Variants in PRKCE observed in about 807,000 individuals in gnomAD.
The protein encoded by PRKCE is protein kinase C epsilon type.
In PRKCE, 16 loss-of-function variants were observed where a neutral mutation model predicts 85.4. The observed-to-expected ratio is 0.19, with a 90% CI of 0.13 to 0.28. The LOEUF is 0.28. PRKCE is among the 10% of genes least tolerant of loss of function. The probability of loss-of-function intolerance (pLI) is 1.00; values close to 1 mark genes in which losing one functional copy is unlikely to be tolerated. For synonymous variants in PRKCE, 388 were observed against 371.5 expected, an observed-to-expected ratio of 1.04 and a Z score of -0.51; for missense variants, 573 against 975.2, an observed-to-expected ratio of 0.59 and a Z score of 5.49.
chr2:46,076,985 GGCT>G (rs1246126102), intron 10 of PRKCE, among the ~76,000 whole-genome samples: 2 of 152,200 alleles, frequency 1.3e-5, no homozygotes, highest in Non-Finnish European at 2.9e-5. Context: ...GGTTTCCAGA[GGCT>G]GGTGGAGGGG....
At chr2:46,140,100 C>A (rs528331628) in intron 11 of PRKCE, among the ~76,000 whole-genome samples, 2 of 152,216 alleles carry the variant, frequency 1.3e-5, no homozygotes, top group South Asian at 4.2e-4. Context: ...GAAGGGAAGA[C>A]TCAACATCAT....
intron 1 of PRKCE, among the ~76,000 whole-genome samples, chr2:45,809,213 C>A (rs1272075503): frequency 6.6e-6 from 1 of 152,116 alleles, no homozygotes; most frequent in East Asian, 1.9e-4. Flanking sequence ...CTCCCAGGAA[C>A]AAGAGGGGTA....
intron 10 of PRKCE, among the ~76,000 whole-genome samples, chr2:46,069,753 C>G (rs79050887): frequency 0.012 from 1,754 of 152,236 alleles, 33 homozygotes; most frequent in African/African-American, 0.041. Flanking sequence ...TTTAGTTTTT[C>G]TTGGCAACTT....
intron 1 of PRKCE, among the ~76,000 whole-genome samples, chr2:45,705,939 A>G (rs1192203050): frequency 1.3e-5 from 2 of 152,148 alleles, no homozygotes; most frequent in African/African-American, 4.8e-5. Flanking sequence ...GCCTTTTGTC[A>G]GTTGCTTTAA....
At chr2:45,775,191 G>C (rs1249424683) in intron 1 of PRKCE, among the ~76,000 whole-genome samples, 2 of 152,136 alleles carry the variant, frequency 1.3e-5, no homozygotes, top group African/African-American at 4.8e-5. Context: ...AGGAACTAAG[G>C]CTCTTGGACT....
Position 45,774,984 on chromosome 2 carries a change from A to G in PRKCE, c.349-68016A>G, listed in dbSNP as rs1246526124. Among the ~76,000 whole-genome samples the G allele has an allele frequency of 6.6e-6, 1 of 152,040 alleles. No individual in the cohort carries two copies. The highest frequency in any genetic ancestry group is 2.4e-5 in the African/African-American group (1 of 41,424). On this transcript the variant is annotated intron_variant, in intron 1 of 14. Coordinates refer to ENST00000306156, the MANE Select transcript of PRKCE (RefSeq NM_005400.3). This position sits in a 1 kb window ranked among gnomAD's most constrained non-coding sequence, Gnocchi z 4.3. ...GTAAAATGACAATAGCAGCGTAGAC[A>G]CTTCTCAGTTATTTACAAGTGGATT...
At chr2:46,115,613 G>A (rs1052997178) in intron 11 of PRKCE, among the ~76,000 whole-genome samples, 4 of 152,310 alleles carry the variant, frequency 2.6e-5, no homozygotes, top group African/African-American at 7.2e-5. Flanking sequence ...GCATGCAGCA[G>A]GCCAGATTTT....
chr2:45,946,270 A>G (rs1409757825), intron 2 of PRKCE, among the ~76,000 whole-genome samples: 1 of 152,244 alleles, frequency 6.6e-6, no homozygotes, highest in Non-Finnish European at 1.5e-5. Context: ...TCTATGACTA[A>G]CAGTGCAGTG....
intron 1 of PRKCE, among the ~76,000 whole-genome samples, chr2:45,654,818 T>C (rs945340437): frequency 2.6e-5 from 4 of 152,136 alleles, no homozygotes; most frequent in African/African-American, 9.7e-5. Flanking sequence ...GGGGACTCAT[T>C]GGCAGGGGTG....
At chr2:46,032,702 A>G (rs936908682) in intron 10 of PRKCE, among the ~76,000 whole-genome samples, 2 of 152,222 alleles carry the variant, frequency 1.3e-5, no homozygotes, top group African/African-American at 4.8e-5. Flanking sequence ...ATGTAACTCT[A>G]GAAGGTCCTA....
At chr2:45,678,849 A>G (rs1302416651) in intron 1 of PRKCE, among the ~76,000 whole-genome samples, 1 of 152,170 alleles carries the variant, frequency 6.6e-6, no homozygotes, top group Non-Finnish European at 1.5e-5. Flanking sequence ...ATACATACTC[A>G]TTTTGTTTGT....
intron 12 of PRKCE, among the ~76,000 whole-genome samples, chr2:46,146,296 G>A (rs1482041584): frequency 6.6e-6 from 1 of 152,230 alleles, no homozygotes; most frequent in Non-Finnish European, 1.5e-5. Context: ...ACTAAACATC[G>A]CCCATGGCGG....
At chr2:45,782,780 C>G (rs977193588) in intron 1 of PRKCE, among the ~76,000 whole-genome samples, 1 of 152,062 alleles carries the variant, frequency 6.6e-6, no homozygotes, top group African/African-American at 2.4e-5. Context: ...TACACACACA[C>G]ACTCACACAC....
At chr2:45,709,076 A>T (rs1303717289) in intron 1 of PRKCE, among the ~76,000 whole-genome samples, 1 of 152,256 alleles carries the variant, frequency 6.6e-6, no homozygotes. Flanking sequence ...GGATGAGACA[A>T]GTGGGATTTG....
intron 1 of PRKCE, among the ~76,000 whole-genome samples, chr2:45,667,518 C>G (rs775387260): frequency 3.2e-4 from 48 of 152,052 alleles, no homozygotes; most frequent in Non-Finnish European, 5.3e-4. Flanking sequence ...GGTATTTGCA[C>G]TAGGGTATTC....
At chr2:45,687,361 A>G (rs562415166) in intron 1 of PRKCE, among the ~76,000 whole-genome samples, 25 of 152,234 alleles carry the variant, frequency 1.6e-4, no homozygotes, top group Non-Finnish European at 3.5e-4. Context: ...AATATACAGA[A>G]AGATATCCAA....
intron 10 of PRKCE, among the ~76,000 whole-genome samples, chr2:46,054,228 G>A (rs79418840): frequency 0.045 from 6,898 of 152,246 alleles, 431 homozygotes; most frequent in African/African-American, 0.14. Flanking sequence ...AGAAAATGGA[G>A]GCAAAAAGTT....
At chr2:45,737,801 C>G (rs1044539925) in intron 1 of PRKCE, among the ~76,000 whole-genome samples, 3 of 152,116 alleles carry the variant, frequency 2.0e-5, no homozygotes, top group Non-Finnish European at 4.4e-5. Flanking sequence ...AGACTCACCC[C>G]CTCTGCTGAC....
intron 2 of PRKCE, among the ~76,000 whole-genome samples, chr2:45,951,928 G>A (rs1041577730): frequency 6.6e-6 from 1 of 152,190 alleles, no homozygotes; most frequent in Non-Finnish European, 1.5e-5. Flanking sequence ...TGCCTCCTGG[G>A]TTCAAGCTAT....
Sources: allele counts gnomAD v4.1 joint callset (sites outside exome capture counted in the v4.1 genomes callset), GRCh38; gene constraint gnomAD v4.1.1; non-coding constraint Gnocchi (gnomAD v3.1); transcripts MANE v1.5; gene names NCBI Gene and HGNC (gene_info 2026-07-23, HGNC 2026-07-21).